DPP10: variants seen among roughly 807,000 people sequenced by gnomAD.
DPP10 encodes the protein dipeptidyl peptidase like 10, also known as inactive dipeptidyl peptidase 10.
DPP10 carries 33 observed loss-of-function variants against 120.9 expected under a neutral mutation model. The observed-to-expected ratio is 0.27, with a 90% CI of 0.21 to 0.37. DPP10 has a LOEUF of 0.37. Ranked by LOEUF, DPP10 falls within the 10% of genes least tolerant of loss-of-function variation. The pLI, the probability that DPP10 is intolerant of heterozygous loss-of-function variation, is 1.00. For synonymous variants in DPP10, 337 were observed against 326.1 expected (o/e 1.03, Z -0.36); for missense variants, 816 against 942.8 (o/e 0.87, Z 1.76).
intron 5 of DPP10, among the ~76,000 whole-genome samples, chr2:115,684,032 T>C (rs758827641): frequency 3.1e-4 from 47 of 151,936 alleles, no homozygotes; most frequent in Non-Finnish European, 6.2e-4. Flanking sequence ...TTTAAGGTTA[T>C]AAATCTATCC....
intron 1 of DPP10, among the ~76,000 whole-genome samples, chr2:115,053,293 A>G (rs2105353873): frequency 6.6e-6 from 1 of 152,348 alleles, no homozygotes; most frequent in Admixed American, 6.5e-5. Flanking sequence ...CACAAAAAGC[A>G]ACACAGTACT....
chr2:115,257,515 T>C (rs1327405851), intron 1 of DPP10, among the ~76,000 whole-genome samples: 1 of 152,090 alleles, frequency 6.6e-6, no homozygotes, highest in African/African-American at 2.4e-5. Context: ...CCACACATTT[T>C]AAACAACTAG....
chr2:115,126,035 A>G (rs1337612927), intron 1 of DPP10, among the ~76,000 whole-genome samples: 2 of 152,230 alleles, frequency 1.3e-5, no homozygotes, highest in Non-Finnish European at 2.9e-5. Context: ...CATATTTTGA[A>G]TACCTTTATC....
At chr2:115,155,727 T>C (rs1162742657) in intron 1 of DPP10, among the ~76,000 whole-genome samples, 1 of 152,184 alleles carries the variant, frequency 6.6e-6, no homozygotes, top group Non-Finnish European at 1.5e-5. Flanking sequence ...TCTAAAATTA[T>C]ACAAATATAT....
intron 1 of DPP10, among the ~76,000 whole-genome samples, chr2:115,071,486 G>C (rs1471194474): frequency 6.6e-6 from 1 of 152,148 alleles, no homozygotes; most frequent in Non-Finnish European, 1.5e-5. Context: ...AACATTGGGG[G>C]TTTATATATC....
intron 1 of DPP10, among the ~76,000 whole-genome samples, chr2:114,772,200 C>T (rs1302103882): frequency 6.6e-6 from 1 of 151,454 alleles, no homozygotes; most frequent in Non-Finnish European, 1.5e-5. Flanking sequence ...CTGTGTTTTC[C>T]AGGCTGGAGT....
chr2:114,770,628 T>A (rs897119484), intron 1 of DPP10, among the ~76,000 whole-genome samples: 2 of 152,216 alleles, frequency 1.3e-5, no homozygotes, highest in African/African-American at 2.4e-5. Flanking sequence ...AAGGAAGACA[T>A]GATACTTGCA....
chr2:114,779,128 G>T (rs1310380553), intron 1 of DPP10, among the ~76,000 whole-genome samples: 1 of 152,030 alleles, frequency 6.6e-6, no homozygotes, highest in East Asian at 1.9e-4. Context: ...TTCCTCTGCT[G>T]CAGTCAGGCC....
intron 5 of DPP10, among the ~76,000 whole-genome samples, chr2:115,660,431 G>A (rs762592714): frequency 9.2e-5 from 14 of 152,054 alleles, no homozygotes; most frequent in Admixed American, 1.3e-4. Context: ...TTGTTTTGGC[G>A]TCCAAAACTT....
chr2:115,837,362 T>C (rs1029905161), intron 24 of DPP10, among the ~76,000 whole-genome samples: 2 of 152,190 alleles, frequency 1.3e-5, no homozygotes, highest in African/African-American at 4.8e-5. Context: ...AAAGAATCTA[T>C]ATTTTATTAT....
At chr2:114,899,541 C>G (rs541247970) in intron 1 of DPP10, among the ~76,000 whole-genome samples, 5 of 152,280 alleles carry the variant, frequency 3.3e-5, no homozygotes, top group South Asian at 4.1e-4. Context: ...ACTTTTACCA[C>G]CTAACTATGC....
intron 3 of DPP10, among the ~76,000 whole-genome samples, chr2:115,362,952 C>T (rs1559485522): frequency 1.3e-5 from 2 of 152,166 alleles, no homozygotes; most frequent in Non-Finnish European, 2.9e-5. Context: ...GTTGATAACA[C>T]CTTGGTATCC....
At chr2:114,747,866 A>G (rs1391392858) in intron 1 of DPP10, among the ~76,000 whole-genome samples, 2 of 152,100 alleles carry the variant, frequency 1.3e-5, no homozygotes, top group African/African-American at 4.8e-5. Context: ...AGATCATCTC[A>G]TTTAGTTAAT....
At chr2:115,492,034 A>T (rs147152954) in intron 3 of DPP10, among the ~76,000 whole-genome samples, 104 of 152,278 alleles carry the variant, frequency 6.8e-4, no homozygotes, top group African/African-American at 2.2e-3. Context: ...CTTCATCAGG[A>T]GTGCTAAATG....
intron 1 of DPP10, among the ~76,000 whole-genome samples, chr2:114,511,997 A>C (rs12996513): frequency 0.54 from 82,334 of 152,156 alleles, 25,336 homozygotes; most frequent in East Asian, 0.71. Context: ...TCAAAACAAT[A>C]ATCTTTAAAG....
At chr2:114,584,102 G>A (rs574543284) in intron 1 of DPP10, among the ~76,000 whole-genome samples, 42 of 152,236 alleles carry the variant, frequency 2.8e-4, no homozygotes, top group Non-Finnish European at 4.4e-4. Flanking sequence ...ATTTCGAAAA[G>A]CATGAAATTT....
At chr2:115,801,335 C>T (rs994786570) in intron 19 of DPP10, among the ~76,000 whole-genome samples, 1 of 151,984 alleles carries the variant, frequency 6.6e-6, no homozygotes, top group Non-Finnish European at 1.5e-5. Flanking sequence ...GAGATTTTGG[C>T]CTGAGACGAT....
intron 1 of DPP10, among the ~76,000 whole-genome samples, chr2:114,653,841 C>A (rs1161193071): frequency 6.6e-6 from 1 of 152,138 alleles, no homozygotes; most frequent in African/African-American, 2.4e-5. Context: ...ACTGGACATG[C>A]AAAAGAAGAT....
At chr2:115,429,385 G>T (rs915625190) in intron 3 of DPP10, among the ~76,000 whole-genome samples, 3 of 152,078 alleles carry the variant, frequency 2.0e-5, no homozygotes, top group African/African-American at 7.2e-5. Context: ...TAAATAAAAT[G>T]TTTGGAAAAA....
Sources: allele counts gnomAD v4.1 joint callset (sites outside exome capture counted in the v4.1 genomes callset), GRCh38; gene constraint gnomAD v4.1.1; transcripts MANE v1.5; gene names NCBI Gene and HGNC (gene_info 2026-07-23, HGNC 2026-07-21).